The following WDFY4 variants were observed in gnomAD, a reference collection of about 807,000 sequenced individuals.
WDFY4 encodes WDFY family member 4, also known as WD repeat- and FYVE domain-containing protein 4.
WDFY4 carries 169 observed loss-of-function variants against 351.9 expected under a neutral mutation model. That is an observed-to-expected ratio of 0.48 (90% confidence interval 0.42 to 0.55). WDFY4 has a LOEUF of 0.55. Ranked by LOEUF, WDFY4 falls within the 20% of genes least tolerant of loss-of-function variation. The pLI, the probability that WDFY4 is intolerant of heterozygous loss-of-function variation, is 0.00. For missense variants in WDFY4, 3,803 were observed against 3,935.6 expected, an observed-to-expected ratio of 0.97 and a Z score of 0.90; for synonymous variants, 1,622 against 1,574.6, an observed-to-expected ratio of 1.03 and a Z score of -0.71.
At chr10:48,923,005 T>G (rs960364674) in intron 47 of WDFY4, among the ~76,000 whole-genome samples, 1 of 152,218 alleles carries the variant, frequency 6.6e-6, no homozygotes, top group Admixed American at 6.5e-5. Flanking sequence ...CTTAGAGAAC[T>G]GTGCCCAAAA....
intron 20 of WDFY4, among the ~76,000 whole-genome samples, chr10:48,788,144 C>T (rs1282673207): frequency 6.6e-6 from 1 of 151,928 alleles, no homozygotes; most frequent in Non-Finnish European, 1.5e-5. Flanking sequence ...TCTCCTGCCT[C>T]AGCCTGCCAA....
intron 47 of WDFY4, among the ~76,000 whole-genome samples, chr10:48,914,778 A>G (rs1838352298): frequency 6.6e-6 from 1 of 152,194 alleles, no homozygotes; most frequent in Admixed American, 6.5e-5. Flanking sequence ...AACAGTAGCC[A>G]TGCAGAAAAG....
intron 55 of WDFY4, 169 bp downstream of exon 55, chr10:48,966,842 G>C: frequency 1.1e-6 from 1 of 947,034 alleles, no homozygotes; most frequent in Non-Finnish European, 1.5e-6. Flanking sequence ...TCATCTCTGG[G>C]AAGTGTCTAG....
chr10:48,869,946 A>G (rs923478543), intron 40 of WDFY4, among the ~76,000 whole-genome samples: 6 of 152,212 alleles, frequency 3.9e-5, no homozygotes, highest in African/African-American at 1.2e-4. Context: ...AACAAAAAAA[A>G]TGTCTTGTTT....
chr10:48,694,603 A>G (rs1416226834), intron 1 of WDFY4, among the ~76,000 whole-genome samples: 3 of 152,142 alleles, frequency 2.0e-5, no homozygotes, highest in Admixed American at 6.5e-5. Flanking sequence ...AGAGCCCCAC[A>G]GTGATTCCCA....
chr10:48,779,956 A>C lies in WDFY4; in HGVS notation c.3413A>C (p.Glu1138Ala). The change falls in exon 19 of 62, where the codon GAG becomes GCG. Residue 1138 changes from glutamate to alanine, a missense_variant. Transcript: ENST00000325239. ...TGTCTTCCAGATGTCATGGAACCTG[A>C]GGATGACTCCGAGCCTTCTGCAGGA... ...EFQPLDVMEP[E>A]DDSEPSAGCQ... The C allele has an allele frequency of 6.4e-7, 1 of 1,551,750 alleles. No individual in the cohort carries two copies. The highest frequency in any genetic ancestry group is 8.7e-7 in the Non-Finnish European group (1 of 1,147,014).
Position 48,948,283 on chromosome 10 carries a change from A to C in WDFY4, c.7977+1314A>C, listed in dbSNP as rs73298904. ...CTTCCCCTGAGCCTTTCTCAGGCAA[A>C]AAGCATTTTAAGTAAGTTTGGTTTG... is the stretch of plus-strand genomic sequence containing the variant. On this transcript the variant is annotated intron_variant, in intron 51 of 61. Transcript: ENST00000325239. 5.5e-3 allele frequency among the ~76,000 whole-genome samples: 834 copies of C among 152,262 alleles called. 15 individuals are homozygous for C. The highest frequency in any genetic ancestry group is 0.019 in the African/African-American group (789 of 41,554).
intron 59 of WDFY4, among the ~76,000 whole-genome samples, chr10:48,977,533 C>T (rs1564546187): frequency 6.6e-6 from 1 of 152,200 alleles, no homozygotes; most frequent in East Asian, 1.9e-4. Flanking sequence ...GCAGTCCCCT[C>T]ATAGGACTTT....
intron 45 of WDFY4, among the ~76,000 whole-genome samples, chr10:48,897,811 G>A (rs12267880): frequency 0.011 from 1,707 of 152,358 alleles, 39 homozygotes; most frequent in African/African-American, 0.039. Context: ...TGGGCCTTTT[G>A]CTGTGTCTTT....
intron 11 of WDFY4, among the ~76,000 whole-genome samples, chr10:48,739,634 A>G (rs1224181732): frequency 3.9e-5 from 6 of 152,226 alleles, no homozygotes; most frequent in African/African-American, 1.4e-4. Context: ...AATTAACCCC[A>G]TCCCAAGAAA....
intron 55 of WDFY4, chr10:48,968,708 A>T: frequency 3.7e-6 from 1 of 273,036 alleles, no homozygotes. Context: ...GAATGACTTC[A>T]CCAGCATAAC....
At chr10:48,708,949 T>C (rs991609871) in intron 1 of WDFY4, among the ~76,000 whole-genome samples, 2 of 152,054 alleles carry the variant, frequency 1.3e-5, no homozygotes, top group African/African-American at 4.8e-5. Flanking sequence ...ATCTCTTTTA[T>C]GTATGCAGCC....
intron 39 of WDFY4, among the ~76,000 whole-genome samples, chr10:48,865,939 T>C (rs977278404): frequency 1.3e-5 from 2 of 152,182 alleles, no homozygotes; most frequent in African/African-American, 4.8e-5. Flanking sequence ...CTCCTTCATT[T>C]CTGATCCTAG....
intron 24 of WDFY4, among the ~76,000 whole-genome samples, chr10:48,800,669 G>A (rs1328388089): frequency 8.1e-6 from 1 of 123,604 alleles, no homozygotes; most frequent in Non-Finnish European, 1.8e-5. Context: ...CTTAGGTTTT[G>A]GTTTCTTTCT....
intron 49 of WDFY4, among the ~76,000 whole-genome samples, chr10:48,944,832 C>G (rs962113037): frequency 3.9e-5 from 6 of 152,182 alleles, no homozygotes; most frequent in South Asian, 4.2e-4. Flanking sequence ...TAGGAGATTT[C>G]TCCTTTAAAA....
intron 39 of WDFY4, among the ~76,000 whole-genome samples, chr10:48,860,040 C>T (rs1017345936): frequency 1.3e-5 from 2 of 152,112 alleles, no homozygotes; most frequent in South Asian, 4.1e-4. Context: ...AGAAATAGCC[C>T]CTGTTTCATT....
At chr10:48,837,054 G>A (rs2068425073) in intron 39 of WDFY4, among the ~76,000 whole-genome samples, 1 of 152,132 alleles carries the variant, frequency 6.6e-6, no homozygotes, top group Admixed American at 6.5e-5. Flanking sequence ...AACAGGTGAA[G>A]GGTAGATGAA....
chr10:48,691,596 G>A (rs1031007902), intron 1 of WDFY4, among the ~76,000 whole-genome samples: 8 of 152,350 alleles, frequency 5.3e-5, no homozygotes, highest in South Asian at 2.1e-4. Flanking sequence ...GGCAGTGGCC[G>A]TACCAGACTT....
chr10:48,897,561 G>C lies in WDFY4; in HGVS notation c.7424G>C (p.Arg2475Pro), dbSNP rs1462909422. The C allele has an allele frequency of 6.5e-7, 1 of 1,547,340 alleles. No individual in the cohort carries two copies. The highest frequency in any genetic ancestry group is 2.4e-5 in the East Asian group (1 of 40,924). The change falls in exon 45 of 62, where the codon CGC (arginine) becomes CCC (proline). Residue 2475 changes from arginine (R) to proline (P), a missense_variant. Around this residue, in one of 3 missense-constraint regions of WDFY4, gnomAD observed 3,054 missense variants for 3,148.6 expected, o/e 0.97. Transcript: ENST00000325239. ...GACATGCGGGAGCTACGGCAGGCTC[G>C]CTTCCTCCTGCAGGTAAGCACACTG... is the stretch of plus-strand genomic sequence containing the variant. ...YADMRELRQARFLLQDIALEI... is the reference protein window; with the variant it reads ...YADMRELRQAPFLLQDIALEI...
Sources: gnomAD v4.1 joint callset for allele counts (sites outside exome capture counted in the v4.1 genomes callset) on GRCh38, gnomAD v4.1.1 for gene constraint, gnomAD v4.1.1 regional missense constraint, MANE v1.5 for transcripts, NCBI Gene and HGNC (gene_info 2026-07-23, HGNC 2026-07-21) for gene names.